ZNF324B: variants seen among roughly 807,000 people sequenced by gnomAD.
The protein encoded by ZNF324B is zinc finger protein 324B.
A neutral mutation model predicts 10.6 loss-of-function variants in ZNF324B; 7 were observed. The observed-to-expected ratio is 0.66, with a 90% CI of 0.38 to 1.24. ZNF324B has a LOEUF of 1.24. Among genes scored for constraint, ZNF324B ranks in the 50% most tolerant of loss-of-function variants. The pLI is 0.02. For synonymous variants in ZNF324B, 316 were observed against 321.0 expected (o/e 0.98, Z 0.17); for missense variants, 640 against 764.7 (o/e 0.84, Z 1.92).
the ZNF324B span, chr19:58,434,633 T>G: frequency 6.2e-7 from 1 of 1,614,216 alleles, no homozygotes. Context: ...TCTAAGAAAT[T>G]TCCACCTGTT....
rs1442223564 is a variant in ZNF324B, at chr19:58,455,459, GCCGGCCCAGGGAAAAGA to G, written c.518_534del (p.Arg173LeufsTer15). 1 of 1,614,120 alleles carries G rather than the reference GCCGGCCCAGGGAAAAGA, an allele frequency of 6.2e-7. No individual in the cohort carries two copies. Among genetic ancestry groups the G allele is most frequent in the Non-Finnish European group, 8.5e-7 (1 of 1,179,982 alleles). On this transcript the variant is annotated frameshift_variant, in exon 4 of 4. Coordinates refer to ENST00000336614, the MANE Select transcript of ZNF324B (RefSeq NM_207395.3). LOFTEE classifies it low-confidence loss of function (END_TRUNC). This position sits in a 1 kb window ranked among gnomAD's most constrained non-coding sequence, Gnocchi z 7.0. ...TCCCCACTCAGGCCCCCCAAGAGCAGCCGGCCCAGGGAAAAGACCTTCACAGAGTACCGGGTGCCTGG... is the reference window on the plus strand; with the variant it reads ...TCCCCACTCAGGCCCCCCAAGAGCAGCCTTCACAGAGTACCGGGTGCCTGG...
chr19:58,451,751 C>T (rs759896389), intron 1 of ZNF324B, 47 bp downstream of exon 1: 1 of 411,940 alleles, frequency 2.4e-6, no homozygotes, highest in Non-Finnish European at 4.7e-6. Flanking sequence ...TCGGTATCTT[C>T]GAGTATGACG....
At chr19:58,436,849 TA>T in the ZNF324B span, 3 of 768,524 alleles carry the variant, frequency 3.9e-6, no homozygotes, top group African/African-American at 3.4e-5. Flanking sequence ...GGGCAACAGC[TA>T]TTAGGAAAGC....
Position 58,453,834 on chromosome 19 carries a change from G to A in ZNF324B, c.121+12G>A, listed in dbSNP as rs377317737. 1 of 1,610,452 alleles carries A rather than the reference G, an allele frequency of 6.2e-7. No homozygotes were observed. Among genetic ancestry groups the A allele is most frequent in the Non-Finnish European group, 8.5e-7 (1 of 1,177,896 alleles). ...TGTGACCTCACTTGGTAAGGCCCTG[G>A]GTGCTCCATGAAAAGTGCACTTGGT... On this transcript the variant is annotated intron_variant, in intron 2 of 3. Transcript: ENST00000336614.
chr19:58,427,441 TCCTTTCCTTTC>T, the ZNF324B span, among the ~76,000 whole-genome samples: 2 of 84,354 alleles, frequency 2.4e-5, no homozygotes, highest in African/African-American at 1.7e-4. Flanking sequence ...CTTCCTTCCT[TCCTTTCCTTTC>T]CCTTCCTTCC....
the ZNF324B span, chr19:58,442,903 T>C: frequency 1.3e-5 from 2 of 152,430 alleles, no homozygotes; most frequent in Non-Finnish European, 1.5e-5. Context: ...TTCTACAGCA[T>C]GGAAGAGGAC....
Position 58,456,326 on chromosome 19 carries a change from G to T in ZNF324B, c.1382G>T (p.Gly461Val), listed in dbSNP as rs760488237. The T allele has an allele frequency of 1.9e-6, 3 of 1,612,560 alleles. No homozygotes were observed. Among genetic ancestry groups the T allele is most frequent in the Non-Finnish European group, 2.5e-6 (3 of 1,179,834 alleles). The change falls in exon 4 of 4, where the codon GGT (glycine) becomes GTT (valine). Residue 461 changes from glycine to valine, a missense_variant. This residue lies in a region of ZNF324B where 238 missense variants were observed against 258.0 expected (regional missense o/e 0.92). Transcript: ENST00000336614. The surrounding 1 kb of genome is among the most constrained non-coding windows in gnomAD (Gnocchi z 4.7). The part of the protein sequence containing the change: ...RPFRCVDCGK[G>V]FAKGAVLLSH... ...TTCCGCTGCGTGGACTGTGGCAAGG[G>T]TTTCGCCAAGGGCGCCGTGCTGCTC...
chr19:58,454,165 C>A, intron 2 of ZNF324B, 63 bp from the exon 3 acceptor site: 2 of 1,070,518 alleles, frequency 1.9e-6, no homozygotes, highest in Non-Finnish European at 2.9e-6. Flanking sequence ...CTGACTCCTG[C>A]TCTCTGTTGG....
chr19:58,427,504 T>TCCTTCCTTCCTTCC, the ZNF324B span, among the ~76,000 whole-genome samples: 4 of 104,464 alleles, frequency 3.8e-5, no homozygotes, highest in Admixed American at 2.0e-4. Context: ...CTTTCTTTCT[T>TCCTTCCTTCCTTCC]TTTCTTTCTT....
At chr19:58,441,853 G>A in the ZNF324B span, 1 of 152,424 alleles carries the variant, frequency 6.6e-6, no homozygotes, top group African/African-American at 2.4e-5. Context: ...GACCTTTGAG[G>A]ACAGGGTCAG....
At chr19:58,451,878 C>T (rs931963359) in intron 1 of ZNF324B, 174 bp downstream of exon 1, 6 of 249,176 alleles carry the variant, frequency 2.4e-5, no homozygotes, top group South Asian at 6.6e-5. Flanking sequence ...CAGGCTGAGG[C>T]GCGGGGCAGC....
the ZNF324B span, among the ~76,000 whole-genome samples, chr19:58,421,530 C>T: frequency 1.3e-5 from 2 of 151,876 alleles, no homozygotes; most frequent in Admixed American, 1.3e-4. Flanking sequence ...ACAGGTTCGC[C>T]GCACCATGCC....
the ZNF324B span, chr19:58,435,184 C>T: frequency 6.2e-7 from 1 of 1,613,578 alleles, no homozygotes; most frequent in Non-Finnish European, 8.5e-7. Context: ...GGGATGGGCC[C>T]CCTCACCCTC....
Position 58,453,760 on chromosome 19 carries a change from C to T in ZNF324B, c.59C>T (p.Thr20Ile), listed in dbSNP as rs760720393. ...CAGGAGGAGTGGGGGCTCCTGGACA[C>T]AGCGCAGAGGGCCCTGTACCGCCAC... ...FSQEEWGLLD[T>I]AQRALYRHVM... Residue 20 changes from threonine to isoleucine, a missense_variant, in exon 2 of 4, where the codon ACA (threonine) becomes ATA (isoleucine). By Grantham distance (89) the Thr-to-Ile change is moderately conservative (BLOSUM62 -1). Coordinates refer to ENST00000336614, the MANE Select transcript of ZNF324B (RefSeq NM_207395.3). The T allele has an allele frequency of 6.2e-7, 1 of 1,614,086 alleles. No homozygotes were observed. Among genetic ancestry groups the T allele is most frequent in the Non-Finnish European group, 8.5e-7 (1 of 1,180,018 alleles).
At chr19:58,437,731 A>G in the ZNF324B span, 3 of 985,400 alleles carry the variant, frequency 3.0e-6, no homozygotes, top group Non-Finnish European at 3.6e-6. Context: ...CATACCTGAC[A>G]GATGCAACCG....
the ZNF324B span, among the ~76,000 whole-genome samples, chr19:58,431,411 C>T: frequency 6.6e-6 from 1 of 152,164 alleles, no homozygotes; most frequent in Non-Finnish European, 1.5e-5. Context: ...AACTGCTGTT[C>T]AGTGATGTGA....
the ZNF324B span, among the ~76,000 whole-genome samples, chr19:58,423,395 C>T: frequency 2.6e-5 from 4 of 151,728 alleles, no homozygotes; most frequent in South Asian, 4.2e-4. Context: ...CTCCTGACCT[C>T]GTGATCTGCC....
the ZNF324B span, chr19:58,436,898 A>C: frequency 1.9e-6 from 2 of 1,058,680 alleles, no homozygotes; most frequent in Non-Finnish European, 2.9e-6. Flanking sequence ...GGAAGTACAC[A>C]CAGCAGAACC....
the ZNF324B span, among the ~76,000 whole-genome samples, chr19:58,431,691 G>A: frequency 6.6e-6 from 1 of 152,154 alleles, no homozygotes; most frequent in East Asian, 1.9e-4. Context: ...TGGTAAATAA[G>A]CTTTTTAAAA....
Sources: allele counts gnomAD v4.1 joint callset (sites outside exome capture counted in the v4.1 genomes callset), GRCh38; gene constraint gnomAD v4.1.1; regional missense constraint gnomAD v4.1.1; non-coding constraint Gnocchi (gnomAD v3.1); transcripts MANE v1.5; gene names NCBI Gene and HGNC (gene_info 2026-07-23, HGNC 2026-07-21).